ENG: variants seen among roughly 807,000 people sequenced by gnomAD.
The protein encoded by ENG is CD105 antigen.
In ENG, 17 loss-of-function variants were observed where a neutral mutation model predicts 71.0. The observed-to-expected ratio is 0.24, with a 90% CI of 0.16 to 0.36. The LOEUF (loss-of-function observed/expected upper bound fraction) is 0.36. ENG is among the 10% of genes least tolerant of loss of function. The pLI is 1.00. For missense variants in ENG, 749 were observed against 868.3 expected (o/e 0.86, Z 1.73); for synonymous variants, 360 against 366.9 (o/e 0.98, Z 0.21).
At chr9:127,837,562 G>C (rs1419299077) in intron 2 of ENG, among the ~76,000 whole-genome samples, 1 of 152,124 alleles carries the variant, frequency 6.6e-6, no homozygotes, top group African/African-American at 2.4e-5. Flanking sequence ...TGTTCTCAAA[G>C]GACAGAAAAG....
chr9:127,826,162 G>C (rs1368336596), intron 4 of ENG, among the ~76,000 whole-genome samples: 5 of 152,230 alleles, frequency 3.3e-5, no homozygotes, highest in Admixed American at 3.3e-4. Context: ...ACATGTACAT[G>C]TTTATTGTCA....
At position 127,838,099 on chromosome 9, in the gene ENG, C is replaced by G. The variant is rs557412834; in HGVS notation, c.219+4995G>C. 6.6e-6 allele frequency among the ~76,000 whole-genome samples: 1 copy of G among 152,344 alleles called. No homozygotes were observed. Among genetic ancestry groups the G allele is most frequent in the African/African-American group, 2.4e-5 (1 of 41,570 alleles). On this transcript the variant is annotated intron_variant, in intron 2 of 14. Transcript: ENST00000373203. The surrounding 1 kb of genome is among the most constrained non-coding windows in gnomAD (Gnocchi z 4.3). ...GCCCGGATACCCAAACTCCACCATG[C>G]CTGCCTCCCCAAGTAGCCAACTCAA...
intron 8 of ENG, among the ~76,000 whole-genome samples, chr9:127,820,844 A>G (rs1455571366): frequency 6.6e-6 from 1 of 151,430 alleles, no homozygotes; most frequent in Non-Finnish European, 1.5e-5. Context: ...AAAAAAATAT[A>G]TATATATATA....
chr9:127,845,179 G>A (rs1274301794), intron 1 of ENG, among the ~76,000 whole-genome samples: 1 of 152,224 alleles, frequency 6.6e-6, no homozygotes, highest in Non-Finnish European at 1.5e-5. Flanking sequence ...AGATGGGCGC[G>A]GAGAGACTGG....
intron 1 of ENG, among the ~76,000 whole-genome samples, chr9:127,843,777 T>A (rs1301583006): frequency 5.3e-5 from 5 of 93,858 alleles, no homozygotes; most frequent in South Asian, 7.8e-4. Context: ...TTTTTTTTTT[T>A]TTTTTTTTTT....
At chr9:127,851,300 A>G (rs1221776892) in intron 1 of ENG, among the ~76,000 whole-genome samples, 2 of 151,446 alleles carry the variant, frequency 1.3e-5, no homozygotes, top group Admixed American at 1.3e-4. Flanking sequence ...GCTCATCACA[A>G]CCTCCACCTC....
At position 127,825,257 on chromosome 9, in the gene ENG, C is replaced by T. The variant is rs1210433339; in HGVS notation, c.790G>A (p.Asp264Asn). 7 of 1,612,386 alleles carry T rather than the reference C, an allele frequency of 4.3e-6. No homozygotes were observed. Among genetic ancestry groups the T allele is most frequent in the Non-Finnish European group, 5.1e-6 (6 of 1,179,732 alleles). ...CAGATCTGCATGTTGTGGTTGGCGT[C>T]GATGAGCCAGGACACGTAGGGGGGA... ...QGPPYVSWLI[D>N]ANHNMQIWTT... Residue 264 changes from aspartate to asparagine, a missense_variant, in exon 6 of 15, where the codon GAC (aspartate) becomes AAC (asparagine). Asp to Asn is a conservative substitution (Grantham distance 23). Transcript: ENST00000373203.
Position 127,825,374 on chromosome 9 carries a change from G to A in ENG, c.690-17C>T, listed in dbSNP as rs199525659. 5.1e-5 allele frequency: 82 copies of A among 1,608,314 alleles called. No homozygotes were observed. Among genetic ancestry groups the A allele is most frequent in the East Asian group, 1.1e-4 (5 of 44,804 alleles). On this transcript the variant is annotated splice_polypyrimidine_tract_variant and intron_variant, in intron 5 of 14. Coordinates refer to ENST00000373203, the MANE Select transcript of ENG (RefSeq NM_001114753.3). ...GTCCGGGGCCTGCGGGGAGACAGACGCGGATGGAACACTGAAGCGGACAGG... is the reference window on the plus strand; with the variant it reads ...GTCCGGGGCCTGCGGGGAGACAGACACGGATGGAACACTGAAGCGGACAGG...
intron 2 of ENG, 119 bp from the exon 3 acceptor site, chr9:127,829,946 C>A: frequency 7.2e-7 from 1 of 1,395,646 alleles, no homozygotes; most frequent in Non-Finnish European, 1.0e-6. Context: ...GCTCTGTCCA[C>A]CCTCACCTCC....
Position 127,825,373 on chromosome 9 carries a change from C to T in ENG, c.690-16G>A, listed in dbSNP as rs375559067. The T allele has an allele frequency of 8.7e-6, 14 of 1,607,932 alleles. No homozygotes were observed. The highest frequency in any genetic ancestry group is 1.1e-5 in the South Asian group (1 of 90,912). ...CGTCCGGGGCCTGCGGGGAGACAGA[C>T]GCGGATGGAACACTGAAGCGGACAG... On this transcript the variant is annotated splice_polypyrimidine_tract_variant and intron_variant, in intron 5 of 14. Coordinates refer to ENST00000373203, the MANE Select transcript of ENG (RefSeq NM_001114753.3).
intron 2 of ENG, among the ~76,000 whole-genome samples, chr9:127,841,380 A>G (rs1222230829): frequency 6.6e-6 from 1 of 152,176 alleles, no homozygotes; most frequent in East Asian, 1.9e-4. Flanking sequence ...GTATTGAGCA[A>G]TTAGGGTTGG....
intron 12 of ENG, 149 bp downstream of exon 12, chr9:127,817,971 G>A (rs1401555544): frequency 2.5e-5 from 33 of 1,321,982 alleles, no homozygotes; most frequent in Non-Finnish European, 3.2e-5. Context: ...AAGTGCTGCT[G>A]GCAGCCAGAC....
At chr9:127,816,532 T>TG (rs1176384171) in intron 13 of ENG, 1 of 265,568 alleles carries the variant, frequency 3.8e-6, no homozygotes, top group Non-Finnish European at 7.5e-6. Flanking sequence ...TGTGTGGCTA[T>TG]GGGCCAAGCA....
At chr9:127,835,106 C>A (rs1253076946) in intron 2 of ENG, among the ~76,000 whole-genome samples, 1 of 152,046 alleles carries the variant, frequency 6.6e-6, no homozygotes, top group Non-Finnish European at 1.5e-5. Context: ...TCAAGTGATC[C>A]TCCCGCCTTA....
intron 2 of ENG, among the ~76,000 whole-genome samples, chr9:127,837,257 C>T (rs1023820995): frequency 4.6e-5 from 7 of 152,280 alleles, no homozygotes; most frequent in African/African-American, 1.7e-4. Flanking sequence ...CTCTGAGCCT[C>T]AGCCTCCCCA....
At position 127,836,171 on chromosome 9, in the gene ENG, C is replaced by CA. The variant is rs894692638; in HGVS notation, c.220-6345dup. ...CTCTCCCGGCCGGGGGCCCCAGAGG[C>CA]AAAAAACGATGGCGCCAGCCTTGCC... On this transcript the variant is annotated intron_variant, in intron 2 of 14. Transcript: ENST00000373203. This position sits in a 1 kb window ranked among gnomAD's most constrained non-coding sequence, Gnocchi z 4.0. Among the ~76,000 whole-genome samples the CA allele has an allele frequency of 6.6e-6, 1 of 152,300 alleles. No individual in the cohort carries two copies. The highest frequency in any genetic ancestry group is 2.1e-4 in the South Asian group (1 of 4,828).
At position 127,854,536 on chromosome 9, in the gene ENG, A is replaced by G; in HGVS notation, c.-181T>C. ...CCGAGGGGTCAGGAGAAGTGGACACAGGGACGCGGGGCTGGGCTGGAGTTG... is the reference window on the plus strand; with the variant it reads ...CCGAGGGGTCAGGAGAAGTGGACACGGGGACGCGGGGCTGGGCTGGAGTTG... On this transcript the variant is annotated 5_prime_UTR_variant, in exon 1 of 15. Coordinates refer to ENST00000373203, the MANE Select transcript of ENG (RefSeq NM_001114753.3). 3.2e-6 allele frequency: 2 copies of G among 616,798 alleles called. No individual in the cohort carries two copies. Among genetic ancestry groups the G allele is most frequent in the South Asian group, 4.0e-5 (2 of 49,542 alleles). The allele number at this position is 616,798 out of a possible 1,614,324, so 38.2% of individuals were successfully genotyped here. A position where few individuals can be genotyped will look rare whatever the true frequency, so the allele number is the denominator to read the frequency against.
intron 2 of ENG, among the ~76,000 whole-genome samples, chr9:127,840,739 A>G (rs1831010515): frequency 6.6e-6 from 1 of 152,186 alleles, no homozygotes; most frequent in South Asian, 2.1e-4. Context: ...AGATGTCTCT[A>G]CCACCTCCTC....
rs557939735 is a variant in ENG, at chr9:127,846,776, G to T, written c.68-3531C>A. Among the ~76,000 whole-genome samples, 2 of 152,028 alleles carry T rather than the reference G, an allele frequency of 1.3e-5. No individual in the cohort carries two copies. Among genetic ancestry groups the T allele is most frequent in the Non-Finnish European group, 2.9e-5 (2 of 68,002 alleles). On this transcript the variant is annotated intron_variant, in intron 1 of 14. Coordinates refer to ENST00000373203, the MANE Select transcript of ENG (RefSeq NM_001114753.3). The surrounding 1 kb of genome is among the most constrained non-coding windows in gnomAD (Gnocchi z 5.5). The stretch of plus-strand genomic sequence containing the variant: ...ACAATCCCCTGGCACCAAGGGAAAC[G>T]CCAGGGCCTCCCGGGACTGGGTCAG...
Sources: gnomAD v4.1 joint callset for allele counts (sites outside exome capture counted in the v4.1 genomes callset) on GRCh38, gnomAD v4.1.1 for gene constraint, Gnocchi (gnomAD v3.1) non-coding constraint, MANE v1.5 for transcripts, NCBI Gene and HGNC (gene_info 2026-07-23, HGNC 2026-07-21) for gene names.